Variants in TTC16 observed in about 807,000 individuals in gnomAD.
The protein encoded by TTC16 is tetratricopeptide repeat protein 16.
TTC16 carries 66 observed loss-of-function variants against 80.4 expected under a neutral mutation model. The observed-to-expected ratio is 0.82, with a 90% confidence interval of 0.67 to 1.01. The LOEUF is 1.01. Ranked by LOEUF, TTC16 falls within the 50% of genes least tolerant of loss-of-function variation. The pLI is 0.00. For missense variants in TTC16, 1,070 were observed against 1,103.2 expected (o/e 0.97, Z 0.43); for synonymous variants, 438 against 451.3 (o/e 0.97, Z 0.37).
chr9:127,722,673 G>C lies in TTC16; in HGVS notation c.658-446G>C, dbSNP rs577167886. Among the ~76,000 whole-genome samples the C allele has an allele frequency of 2.0e-4, 30 of 152,206 alleles. No homozygotes were observed. Among genetic ancestry groups the C allele is most frequent in the Admixed American group, 2.0e-3 (30 of 15,280 alleles). On this transcript the variant is annotated intron_variant, in intron 6 of 13. Coordinates refer to ENST00000373289, the MANE Select transcript of TTC16 (RefSeq NM_144965.3). This position sits in a 1 kb window ranked among gnomAD's most constrained non-coding sequence, Gnocchi z 4.2. ...CCTGTCTCCTTCAAGAGGCAGAAAG[G>C]GGCCAGGCATGGAGACTCAAACCTG...
chr9:127,727,063 C>T lies in TTC16; in HGVS notation c.1519C>T (p.Gln507Ter). ...CCACCTGGCCAGGCTGCAGCTGGAGCAGATGGTGGAGGGCAGCCTGCAGGC... is the reference window on the plus strand; with the variant it reads ...CCACCTGGCCAGGCTGCAGCTGGAGTAGATGGTGGAGGGCAGCCTGCAGGC... ...IAHLARLQLE[Q>*]MVEGSLQAGS... is the part of the protein sequence containing the mutation. The change falls in exon 11 of 14, where the codon CAG (glutamine) becomes TAG (stop). Residue 507 changes from glutamine to a stop codon, truncating the protein, a stop_gained. Coordinates refer to ENST00000373289, the MANE Select transcript of TTC16 (RefSeq NM_144965.3). LOFTEE classifies it high-confidence loss of function. 6.2e-7 allele frequency: 1 copy of T among 1,611,786 alleles called. No homozygotes were observed. The highest frequency in any genetic ancestry group is 8.5e-7 in the Non-Finnish European group (1 of 1,179,582).
At position 127,718,087 on chromosome 9, in the gene TTC16, T is replaced by TTTATTA. The variant is rs139884083; in HGVS notation, c.426+327_426+332dup. On this transcript the variant is annotated intron_variant, in intron 4 of 13. Transcript: ENST00000373289. The surrounding 1 kb of genome is among the most constrained non-coding windows in gnomAD (Gnocchi z 4.6). ...ATTTTATATCTTATTTTTATTTTAT[T>TTTATTA]TTATTATTATTATTATTTTTGAGAC... Among the ~76,000 whole-genome samples the TTTATTA allele has an allele frequency of 6.6e-6, 1 of 151,904 alleles. No individual in the cohort carries two copies. Among genetic ancestry groups the TTTATTA allele is most frequent in the African/African-American group, 2.4e-5 (1 of 41,298 alleles).
intron 9 of TTC16, among the ~76,000 whole-genome samples, chr9:127,725,806 G>A (rs1467733790): frequency 6.6e-6 from 1 of 151,854 alleles, no homozygotes; most frequent in Non-Finnish European, 1.5e-5. Context: ...CACCATGCTG[G>A]CCAGGCTGGT....
Position 127,724,846 on chromosome 9 carries a change from C to G in TTC16, c.1208C>G (p.Thr403Arg). 6.3e-7 allele frequency: 1 copy of G among 1,594,652 alleles called. No homozygotes were observed. Among genetic ancestry groups the G allele is most frequent in the Non-Finnish European group, 8.5e-7 (1 of 1,171,842 alleles). ...ALSPQDEGAN[T>R]RMGLLQEKMG... ...AGCCCTCAGGACGAGGGCGCCAACA[C>G]GCGCATGGGCCTGCTGCAGGAGAAG... Residue 403 changes from threonine to arginine, a missense_variant, in exon 9 of 14, where the codon ACG (threonine) becomes AGG (arginine). By Grantham distance (71) the Thr-to-Arg change is moderately conservative. Coordinates refer to ENST00000373289, the MANE Select transcript of TTC16 (RefSeq NM_144965.3).
rs1290893637 is a variant in TTC16 at position 127,724,780 on chromosome 9, T to G, written c.1142T>G (p.Leu381Arg). Reference sequence around the variant, plus strand: ...GATTGCTTCTTCCAGCTGGGCAACCTGGCCTTTGCCGAGGCGGACTACCAG... The same window carrying G: ...GATTGCTTCTTCCAGCTGGGCAACCGGGCCTTTGCCGAGGCGGACTACCAG... ...RGDCFFQLGNLAFAEADYQQA... is the reference protein window; with the variant it reads ...RGDCFFQLGNRAFAEADYQQA... Residue 381 changes from leucine (L) to arginine (R), a missense_variant, in exon 9 of 14, where the codon CTG becomes CGG. Transcript: ENST00000373289. 6.2e-7 allele frequency: 1 copy of G among 1,610,692 alleles called. No individual in the cohort carries two copies.
rs1262553726 is a variant in TTC16 at position 127,731,368 on chromosome 9, A to G, written c.2585A>G (p.Glu862Gly). 2.5e-6 allele frequency: 4 copies of G among 1,612,884 alleles called. No homozygotes were observed. Among genetic ancestry groups the G allele is most frequent in the Non-Finnish European group, 3.4e-6 (4 of 1,180,002 alleles). ...WGPSPSLSKT[E>G]VDQDLTYYEA... is the part of the protein sequence containing the mutation. ...CCCAGCCCAAGTCTCAGCAAAACTG[A>G]GGTTGATCAGGACCTCACCTACTAT... The change falls in exon 14 of 14, where the codon GAG becomes GGG. Residue 862 changes from glutamate to glycine, a missense_variant. Physicochemically the swap from Glu to Gly is moderately conservative, Grantham distance 98. Coordinates refer to ENST00000373289, the MANE Select transcript of TTC16 (RefSeq NM_144965.3).
chr9:127,729,646 C>G lies in TTC16; in HGVS notation c.1830C>G (p.Thr610=). The G allele has an allele frequency of 6.2e-7, 1 of 1,613,654 alleles. No individual in the cohort carries two copies. The highest frequency in any genetic ancestry group is 8.5e-7 in the Non-Finnish European group (1 of 1,179,990). ...ASLSDSYLDQ[T]SSASSMSFRT... is the part of the protein sequence containing the mutation. Reference sequence around the variant, plus strand: ...TGTCTGACAGCTACCTTGACCAGACCTCTTCAGCCTCCAGCATGAGCTGTA... The same window carrying G: ...TGTCTGACAGCTACCTTGACCAGACGTCTTCAGCCTCCAGCATGAGCTGTA... Residue 610 remains threonine, a synonymous_variant, in exon 13 of 14, where the codon ACC becomes ACG. Transcript: ENST00000373289.
At position 127,730,858 on chromosome 9, in the gene TTC16, G is replaced by A. The variant is rs1564396757; in HGVS notation, c.2075G>A (p.Arg692Lys). 3 of 1,613,598 alleles carry A rather than the reference G, an allele frequency of 1.9e-6. No individual in the cohort carries two copies. The highest frequency in any genetic ancestry group is 2.2e-5 in the South Asian group (2 of 91,080). The change falls in exon 14 of 14, where the codon AGG becomes AAG. Residue 692 changes from arginine (R) to lysine (K), a missense_variant. Coordinates refer to ENST00000373289, the MANE Select transcript of TTC16 (RefSeq NM_144965.3). ...LSKTEPTQSQ[R>K]RNSSKTKATI... ...AAGACTGAGCCCACCCAGAGCCAGA[G>A]GCGGAACTCCAGCAAGACCAAGGCC... is the stretch of plus-strand genomic sequence containing the variant.
chr9:127,723,589 G>A (rs769351469), intron 7 of TTC16, among the ~76,000 whole-genome samples: 2 of 152,224 alleles, frequency 1.3e-5, no homozygotes, highest in Non-Finnish European at 2.9e-5. Flanking sequence ...CACGCTGGGC[G>A]CTGAGCCCAG....
At chr9:127,717,263 A>G in intron 2 of TTC16, 71 bp from the exon 3 acceptor site, 1 of 1,493,026 alleles carries the variant, frequency 6.7e-7, no homozygotes. Flanking sequence ...CACAACCCCC[A>G]CCCCAGCCCT....
intron 13 of TTC16, 68 bp downstream of exon 13, chr9:127,729,736 C>T (rs1844238783): frequency 6.8e-7 from 1 of 1,470,086 alleles, no homozygotes; most frequent in East Asian, 2.3e-5. Context: ...GCTCAGGGGT[C>T]GAAGACCGCT....
intron 8 of TTC16, 28 bp downstream of exon 8, chr9:127,724,392 G>T (rs372579299): frequency 2.5e-6 from 4 of 1,605,536 alleles, no homozygotes; most frequent in Non-Finnish European, 2.6e-6. Flanking sequence ...CACTGGGGAG[G>T]GGGGGTGCGG....
chr9:127,731,245 CCCAAGG>C lies in TTC16; in HGVS notation c.2466_2471del (p.Gly825_Gln826del). 6.2e-7 allele frequency: 1 copy of C among 1,612,856 alleles called. No homozygotes were observed. On this transcript the variant is annotated inframe_deletion, in exon 14 of 14. Coordinates refer to ENST00000373289, the MANE Select transcript of TTC16 (RefSeq NM_144965.3). Reference sequence around the variant, plus strand: ...TGGAGCCTCAGCAAAACTGAGTATGCCCAAGGCCAGGGCCAGAGGTCCAGCAAGGCT... The same window carrying C: ...TGGAGCCTCAGCAAAACTGAGTATGCCCAGGGCCAGAGGTCCAGCAAGGCT...
chr9:127,731,058 C>T lies in TTC16; in HGVS notation c.2275C>T (p.Pro759Ser), dbSNP rs765698947. Residue 759 changes from proline to serine, a missense_variant, in exon 14 of 14, where the codon CCC (proline) becomes TCC (serine). By Grantham distance (74) the Pro-to-Ser change is moderately conservative (BLOSUM62 -1). Transcript: ENST00000373289. ...GGCCACCCAGGGCCCAAGGCAGGAG[C>T]CCAGCAAGACCAAGACCACCCGGAG... Reference protein sequence around the residue: ...IEATQGPRQEPSKTKTTRSPR... With the variant: ...IEATQGPRQESSKTKTTRSPR... The T allele has an allele frequency of 6.2e-7, 1 of 1,612,546 alleles. No individual in the cohort carries two copies. Among genetic ancestry groups the T allele is most frequent in the Admixed American group, 1.7e-5 (1 of 59,916 alleles).
intron 12 of TTC16, 98 bp from the exon 13 acceptor site, chr9:127,729,481 GGA>G: frequency 1.0e-6 from 1 of 966,444 alleles, no homozygotes; most frequent in Non-Finnish European, 1.6e-6. Flanking sequence ...TCCAAGCTCA[GGA>G]GAATGACCAC....
chr9:127,721,792 C>T (rs1052593052), intron 6 of TTC16, among the ~76,000 whole-genome samples: 3 of 152,028 alleles, frequency 2.0e-5, no homozygotes, highest in African/African-American at 7.2e-5. Flanking sequence ...CAACCTCTAC[C>T]GGGAGGTTCA....
At position 127,720,026 on chromosome 9, in the gene TTC16, G is replaced by A. The variant is rs1010136419; in HGVS notation, c.427-52G>A. ...AGGGCTTTCTGCTGCCAACTGGGGG[G>A]TGCAGCTGGGCTGGGGTGGCAAGCA... is the stretch of plus-strand genomic sequence containing the variant. On this transcript the variant is annotated intron_variant, in intron 4 of 13. Transcript: ENST00000373289. 17 of 1,536,770 alleles carry A rather than the reference G, an allele frequency of 1.1e-5. No homozygotes were observed. The African/African-American group carries it at 2.2e-4, about 20-fold the overall frequency.
intron 13 of TTC16, 32 bp downstream of exon 13, chr9:127,729,700 G>A (rs1389302714): frequency 6.2e-7 from 1 of 1,601,018 alleles, no homozygotes; most frequent in Non-Finnish European, 8.5e-7. Context: ...CAGGCCTCAG[G>A]AAGCTAAGGC....
intron 8 of TTC16, 147 bp downstream of exon 8, chr9:127,724,511 T>A: frequency 8.4e-7 from 1 of 1,194,198 alleles, no homozygotes; most frequent in Non-Finnish European, 1.2e-6. Context: ...ATAGTCTCAG[T>A]ATCCCAGGAA....
Sources: allele counts gnomAD v4.1 joint callset (sites outside exome capture counted in the v4.1 genomes callset), GRCh38; gene constraint gnomAD v4.1.1; non-coding constraint Gnocchi (gnomAD v3.1); transcripts MANE v1.5; gene names NCBI Gene and HGNC (gene_info 2026-07-23, HGNC 2026-07-21).